Variants in PHF11 observed in about 807,000 individuals in gnomAD.
PHF11 encodes the protein PHD finger protein 11, also known as BRCA1 C-terminus-associated protein.
Under a neutral mutation model 40.5 loss-of-function variants are expected in PHF11, and 38 were observed. That is an observed-to-expected ratio of 0.94 (90% CI 0.72 to 1.23). The LOEUF is 1.23. PHF11 is among the 50% of genes most tolerant of loss of function. The pLI is 0.00. For synonymous variants in PHF11, 127 were observed against 138.2 expected, an observed-to-expected ratio of 0.92 and a Z score of 0.57; for missense variants, 369 against 392.4, an observed-to-expected ratio of 0.94 and a Z score of 0.50.
chr13:49,502,858 G>A (rs1958928943), intron 1 of PHF11, among the ~76,000 whole-genome samples: 1 of 152,022 alleles, frequency 6.6e-6, no homozygotes. Context: ...GAGTAGCTGG[G>A]ATAACAGGCA....
intron 1 of PHF11, among the ~76,000 whole-genome samples, chr13:49,502,081 C>G (rs746891213): frequency 9.9e-5 from 15 of 152,126 alleles, no homozygotes; most frequent in Non-Finnish European, 1.9e-4. Context: ...GGGAGGATCA[C>G]TTGAGCCTAG....
At chr13:49,523,154 A>G in intron 6 of PHF11, 21 bp from the exon 7 acceptor site, 1 of 1,495,584 alleles carries the variant, frequency 6.7e-7, no homozygotes, top group Non-Finnish European at 9.3e-7. Flanking sequence ...AATGTAATGC[A>G]ATCTTGATTT....
intron 5 of PHF11, chr13:49,521,149 T>C: frequency 8.1e-7 from 1 of 1,233,604 alleles, no homozygotes; most frequent in Non-Finnish European, 1.0e-6. Context: ...CCTATTCTCT[T>C]TGAACCATTC....
chr13:49,524,505 G>A (rs181352610), intron 8 of PHF11, among the ~76,000 whole-genome samples: 153 of 142,074 alleles, frequency 1.1e-3, no homozygotes, highest in African/African-American at 3.9e-3. Context: ...ACGGAGTTTC[G>A]CCCTTGTTGC....
chr13:49,518,912 T>G (rs1021334140), intron 4 of PHF11: 4 of 149,892 alleles, frequency 2.7e-5, no homozygotes, highest in Non-Finnish European at 5.9e-5. Flanking sequence ...CTCGGCTCAC[T>G]GCAAGCTCCG....
At chr13:49,501,000 G>GTTTTTTTTGTT (rs1958892451) in intron 1 of PHF11, among the ~76,000 whole-genome samples, 4 of 51,308 alleles carry the variant, frequency 7.8e-5, no homozygotes, top group African/African-American at 2.7e-4. Context: ...ACCAACTTTT[G>GTTTTTTTTGTT]TTTTTTTTTT....
intron 1 of PHF11, among the ~76,000 whole-genome samples, chr13:49,497,950 C>A (rs1184078384): frequency 6.6e-6 from 1 of 152,194 alleles, no homozygotes; most frequent in Non-Finnish European, 1.5e-5. Context: ...CTTCCCTCAA[C>A]CTTGCCTGCC....
rs535634848 is a variant in PHF11 at position 49,504,003 on chromosome 13, C to A, written c.95-2632C>A. ...CCTCCCGAAGTTCTGGGATTATAGGCGTGAGCCACTAGGCCCAGCCTCCTT... is the reference window on the plus strand; with the variant it reads ...CCTCCCGAAGTTCTGGGATTATAGGAGTGAGCCACTAGGCCCAGCCTCCTT... On this transcript the variant is annotated intron_variant, in intron 1 of 9. Coordinates refer to ENST00000378319, the MANE Select transcript of PHF11 (RefSeq NM_001040443.3). Among the ~76,000 whole-genome samples the A allele has an allele frequency of 3.3e-5, 5 of 152,152 alleles. No individual in the cohort carries two copies. The East Asian group carries it at 9.7e-4, about 29-fold the overall frequency.
intron 1 of PHF11, among the ~76,000 whole-genome samples, chr13:49,500,952 A>G (rs866248678): frequency 4.0e-5 from 6 of 149,374 alleles, no homozygotes; most frequent in Middle Eastern, 3.4e-3. Context: ...AGGCAGCTGC[A>G]TATCCTGTCA....
Position 49,506,736 on chromosome 13 carries a change from G to T in PHF11, c.196G>T (p.Ala66Ser). 6.2e-7 allele frequency: 1 copy of T among 1,608,726 alleles called. No homozygotes were observed. The highest frequency in any genetic ancestry group is 2.2e-5 in the East Asian group (1 of 44,824). Residue 66 changes from alanine (A) to serine (S), a missense_variant, in exon 2 of 10, where the codon GCT becomes TCT. Transcript: ENST00000378319. ...VLYFAQSENI[A>S]AHENCLLYSS... ...ATACTTTGCACAATCAGAGAATATA[G>T]CTGCTCATGAGAATTGTTTGGTAAG...
intron 1 of PHF11, among the ~76,000 whole-genome samples, chr13:49,503,333 T>A (rs1362409969): frequency 6.6e-6 from 1 of 152,190 alleles, no homozygotes; most frequent in Admixed American, 6.5e-5. Context: ...CTCGGCTACC[T>A]CCTTAGCGTG....
chr13:49,521,354 C>T, intron 5 of PHF11: 2 of 989,268 alleles, frequency 2.0e-6, no homozygotes, highest in Non-Finnish European at 2.4e-6. Flanking sequence ...AGACTGGATC[C>T]TGGCTAACTG....
At chr13:49,525,874 A>C (rs1446229238) in intron 8 of PHF11, 2 of 441,222 alleles carry the variant, frequency 4.5e-6, no homozygotes, top group East Asian at 7.1e-5. Flanking sequence ...CAGTACAAAT[A>C]CCAAGAATTG....
intron 1 of PHF11, among the ~76,000 whole-genome samples, chr13:49,504,598 T>C (rs1482339477): frequency 6.7e-5 from 7 of 105,242 alleles, no homozygotes; most frequent in African/African-American, 1.3e-4. Flanking sequence ...AGGTGGGGGG[T>C]CAGCCCCCCG....
chr13:49,526,305 C>A lies in PHF11; in HGVS notation c.770-82C>A. ...CACATGACTGCTCTCTTTCCTTTCC[C>A]CTGTTTTGGATTACATATATAAATG... On this transcript the variant is annotated intron_variant, in intron 8 of 9. Transcript: ENST00000378319. The A allele has an allele frequency of 4.7e-6, 4 of 845,228 alleles. 1 individual carries two copies. In the South Asian group the frequency reaches 5.8e-5, roughly 12 times the overall value. The allele number at this position is 845,228 out of a possible 1,614,324, so 52.4% of individuals were successfully genotyped here.
At chr13:49,526,086 T>C (rs1959258048) in intron 8 of PHF11, 1 of 353,436 alleles carries the variant, frequency 2.8e-6, no homozygotes. Context: ...TGAGAATCGC[T>C]TGAACCCAGG....
chr13:49,516,260 C>T (rs1175506592), intron 3 of PHF11, among the ~76,000 whole-genome samples: 1 of 151,982 alleles, frequency 6.6e-6, no homozygotes, highest in Non-Finnish European at 1.5e-5. Context: ...ACCTTGTCTC[C>T]AATAGAATGT....
intron 1 of PHF11, among the ~76,000 whole-genome samples, chr13:49,502,689 C>A (rs1385936267): frequency 2.0e-5 from 3 of 152,134 alleles, no homozygotes; most frequent in East Asian, 3.9e-4. Flanking sequence ...CATCATCTAA[C>A]CTTCTGTCCT....
At chr13:49,519,898 G>T in intron 4 of PHF11, among the ~76,000 whole-genome samples, 1 of 152,192 alleles carries the variant, frequency 6.6e-6, no homozygotes, top group East Asian at 1.9e-4. Context: ...TATAAGATGG[G>T]AAGAAACGGT....
Sources: allele counts gnomAD v4.1 joint callset (sites outside exome capture counted in the v4.1 genomes callset), GRCh38; gene constraint gnomAD v4.1.1; transcripts MANE v1.5; gene names NCBI Gene and HGNC (gene_info 2026-07-23, HGNC 2026-07-21).